OTX2: variants seen among roughly 807,000 people sequenced by gnomAD.
OTX2 encodes homeobox protein OTX2.
In OTX2, 4 loss-of-function variants were observed where a neutral mutation model predicts 29.0. The observed-to-expected ratio is 0.14, with a 90% CI of 0.07 to 0.32. The LOEUF (loss-of-function observed/expected upper bound fraction) is 0.32, where lower values mean the gene tolerates loss of function less well. Among genes scored for constraint, OTX2 ranks in the 10% least tolerant of loss-of-function variants. OTX2 has a pLI of 1.00. For missense variants in OTX2, 298 were observed against 365.9 expected (o/e 0.81, Z 1.51); for synonymous variants, 134 against 141.0 (o/e 0.95, Z 0.35).
chr14:56,809,388 G>A (rs1892199924), intron 2 of OTX2, among the ~76,000 whole-genome samples: 1 of 152,336 alleles, frequency 6.6e-6, no homozygotes, highest in South Asian at 2.1e-4. Flanking sequence ...TACAACCCAG[G>A]GTGGTTTGGA....
chr14:56,803,154 T>C (rs1891954108), intron 4 of OTX2, among the ~76,000 whole-genome samples: 1 of 152,224 alleles, frequency 6.6e-6, no homozygotes, highest in South Asian at 2.1e-4. Context: ...TTACCAGCCC[T>C]GTTCATGTTC....
At position 56,802,358 on chromosome 14, in the gene OTX2, T is replaced by C; in HGVS notation, c.274-3A>G. ...GCTCTTCGATTCTTAAACCATACCTTGGAAGGGAAAGAAAATTCTTTAACT... is the reference window on the plus strand; with the variant it reads ...GCTCTTCGATTCTTAAACCATACCTCGGAAGGGAAAGAAAATTCTTTAACT... On this transcript the variant is annotated splice_region_variant and splice_polypyrimidine_tract_variant and intron_variant, in intron 4 of 4. Transcript: ENST00000672264. This position sits in a 1 kb window ranked among gnomAD's most constrained non-coding sequence, Gnocchi z 4.4. 6.2e-7 allele frequency: 1 copy of C among 1,614,114 alleles called. No individual in the cohort carries two copies. Among genetic ancestry groups the C allele is most frequent in the Non-Finnish European group, 8.5e-7 (1 of 1,180,030 alleles).
chr14:56,799,969 G>A lies in OTX2; in HGVS notation c.*1766C>T, dbSNP rs1278808910. 1 of 152,180 alleles carries A rather than the reference G, an allele frequency of 6.6e-6. No individual in the cohort carries two copies. The highest frequency in any genetic ancestry group is 1.5e-5 in the Non-Finnish European group (1 of 68,044). The allele number at this position is 152,180 out of a possible 1,614,324, so 9.4% of individuals were successfully genotyped here. ...AAGAGTCACTTAATTTTGGTCAGCT[G>A]TAAGAGCTTAAGCAGCTTAAAATGA... On this transcript the variant is annotated 3_prime_UTR_variant, in exon 5 of 5. Transcript: ENST00000672264.
intron 3 of OTX2, among the ~76,000 whole-genome samples, chr14:56,805,133 A>G (rs572690809): frequency 6.6e-6 from 1 of 152,326 alleles, no homozygotes; most frequent in African/African-American, 2.4e-5. Context: ...ATGTGATTGT[A>G]ACGGTTGCAG....
At chr14:56,807,726 T>C (rs544575848) in intron 2 of OTX2, among the ~76,000 whole-genome samples, 2 of 152,380 alleles carry the variant, frequency 1.3e-5, no homozygotes, top group Admixed American at 1.3e-4. Context: ...GGCCTAGGTA[T>C]GCACTCTGCA....
intron 2 of OTX2, among the ~76,000 whole-genome samples, chr14:56,808,141 C>T (rs1892155225): frequency 6.6e-6 from 1 of 152,144 alleles, no homozygotes; most frequent in East Asian, 1.9e-4. Flanking sequence ...CCAAGAAGCC[C>T]ATCTACCAGT....
intron 2 of OTX2, among the ~76,000 whole-genome samples, chr14:56,805,922 A>G (rs940231141): frequency 3.3e-5 from 5 of 151,946 alleles, no homozygotes; most frequent in Non-Finnish European, 7.3e-5. Flanking sequence ...ACATTTGCAT[A>G]GGACTCATTG....
chr14:56,802,122 T>C lies in OTX2; in HGVS notation c.507A>G (p.Ser169=). Residue 169 remains serine (S), a synonymous_variant, in exon 5 of 5, where the codon TCA becomes TCG. Transcript: ENST00000672264. This position sits in a 1 kb window ranked among gnomAD's most constrained non-coding sequence, Gnocchi z 4.4. ...IWSPASISPL[S]DPLSTSSSCM... is the part of the protein sequence containing the mutation. ...AGGAAGAGGAGGTGGACAAGGGATCTGACAGTGGGGAGATGGAAGCTGGGC... is the reference window on the plus strand; with the variant it reads ...AGGAAGAGGAGGTGGACAAGGGATCCGACAGTGGGGAGATGGAAGCTGGGC... 1 of 1,614,158 alleles carries C rather than the reference T, an allele frequency of 6.2e-7. No homozygotes were observed. The highest frequency in any genetic ancestry group is 8.5e-7 in the Non-Finnish European group (1 of 1,180,026).
chr14:56,807,994 C>CGCAGCCCCGCAGCCCT (rs1892148934), intron 2 of OTX2, among the ~76,000 whole-genome samples: 1 of 149,030 alleles, frequency 6.7e-6, no homozygotes, highest in African/African-American at 2.6e-5. Flanking sequence ...CCCGCAGCCC[C>CGCAGCCCCGCAGCCCT]GCAGCCCCGC....
At chr14:56,805,231 A>T (rs954004078) in intron 3 of OTX2, 129 bp downstream of exon 3, 1 of 686,146 alleles carries the variant, frequency 1.5e-6, no homozygotes, top group Non-Finnish European at 2.6e-6. Flanking sequence ...AACCTAGAGG[A>T]GACCAAGCCT....
intron 2 of OTX2, among the ~76,000 whole-genome samples, chr14:56,807,359 G>T (rs895745942): frequency 6.6e-6 from 1 of 152,066 alleles, no homozygotes; most frequent in African/African-American, 2.4e-5. Context: ...CTGGAGATTG[G>T]AGATTTTTTG....
At chr14:56,808,565 G>A (rs1290412845) in intron 2 of OTX2, among the ~76,000 whole-genome samples, 5 of 152,174 alleles carry the variant, frequency 3.3e-5, no homozygotes, top group Non-Finnish European at 7.3e-5. Flanking sequence ...AGAAAGCCCC[G>A]GTGTTAGCGC....
At chr14:56,805,017 G>A (rs1342133409) in intron 3 of OTX2, among the ~76,000 whole-genome samples, 2 of 152,152 alleles carry the variant, frequency 1.3e-5, no homozygotes, top group Non-Finnish European at 2.9e-5. Flanking sequence ...TGAGGAATTG[G>A]TCATTGAGAT....
At chr14:56,806,949 C>T (rs1892108414) in intron 2 of OTX2, among the ~76,000 whole-genome samples, 1 of 152,044 alleles carries the variant, frequency 6.6e-6, no homozygotes, top group South Asian at 2.1e-4. Flanking sequence ...TTCAAAATGG[C>T]GGATACAAGA....
Position 56,804,434 on chromosome 14 carries a change from C to T in OTX2, c.98-71G>A. On this transcript the variant is annotated intron_variant, in intron 3 of 4. Transcript: ENST00000672264. This position sits in a 1 kb window ranked among gnomAD's most constrained non-coding sequence, Gnocchi z 4.1. ...GTTCTCCGACGCCCCTGCCCTCCAC[C>T]CCGCAGCAGTCCCCCGTTCCTCACA... is the stretch of plus-strand genomic sequence containing the variant. The T allele has an allele frequency of 7.1e-7, 1 of 1,399,658 alleles. No homozygotes were observed. The highest frequency in any genetic ancestry group is 1.3e-5 in the South Asian group (1 of 74,656). 86.7% of individuals were successfully genotyped at this position (1,399,658 alleles called of 1,614,324 possible).
In OTX2 at chr14:56,805,526, C is replaced by CG; in HGVS notation, c.-71dup. ...CCCAGCTGGAAGATCTTGATGCGCC[C>CG]GGGGTGGACAGGTTCAGAGTCCTTG... On this transcript the variant is annotated 5_prime_UTR_variant, in exon 3 of 5. Coordinates refer to ENST00000672264, the MANE Select transcript of OTX2 (RefSeq NM_021728.4). 2 of 962,242 alleles carry CG rather than the reference C, an allele frequency of 2.1e-6. No homozygotes were observed. Among genetic ancestry groups the CG allele is most frequent in the Non-Finnish European group, 3.3e-6 (2 of 599,590 alleles). The allele number at this position is 962,242 out of a possible 1,614,324, so 59.6% of individuals were successfully genotyped here.
rs967978912 is a variant in OTX2 at position 56,804,631 on chromosome 14, A to G, written c.98-268T>C. On this transcript the variant is annotated intron_variant, in intron 3 of 4. Transcript: ENST00000672264. The surrounding 1 kb of genome is among the most constrained non-coding windows in gnomAD (Gnocchi z 4.1). Reference sequence around the variant, plus strand: ...TGAAACATTTTTTAAAAGACACACAAAAAAGTTCTCCAAGATCAACCCCCA... The same window carrying G: ...TGAAACATTTTTTAAAAGACACACAGAAAAGTTCTCCAAGATCAACCCCCA... 6.6e-6 allele frequency among the ~76,000 whole-genome samples: 1 copy of G among 152,166 alleles called. No individual in the cohort carries two copies. The highest frequency in any genetic ancestry group is 2.4e-5 in the African/African-American group (1 of 41,438).
Position 56,804,270 on chromosome 14 carries a change from A to T in OTX2, c.191T>A (p.Leu64Gln), listed in dbSNP as rs1368488675. ...GTCTGGGTACCGGGTCTTGGCAAAC[A>T]GTGCTTCCAGCACATCTAGCTGCGC... The part of the protein sequence containing the change: ...TRAQLDVLEA[L>Q]FAKTRYPDIF... Residue 64 changes from leucine (L) to glutamine (Q), a missense_variant, in exon 4 of 5, where the codon CTG (leucine) becomes CAG (glutamine). Transcript: ENST00000672264. The surrounding 1 kb of genome is among the most constrained non-coding windows in gnomAD (Gnocchi z 4.1). 2.5e-6 allele frequency: 4 copies of T among 1,614,162 alleles called. No individual in the cohort carries two copies. The highest frequency in any genetic ancestry group is 3.4e-6 in the Non-Finnish European group (4 of 1,180,030).
chr14:56,801,020 T>C lies in OTX2; in HGVS notation c.*715A>G, dbSNP rs2139525753. On this transcript the variant is annotated 3_prime_UTR_variant, in exon 5 of 5. Coordinates refer to ENST00000672264, the MANE Select transcript of OTX2 (RefSeq NM_021728.4). This position sits in a 1 kb window ranked among gnomAD's most constrained non-coding sequence, Gnocchi z 4.2. Reference sequence around the variant, plus strand: ...TCTTTTTAGATCAGTACTCAGTTGCTCTGAATTTTGCTTATAATTATAACC... The same window carrying C: ...TCTTTTTAGATCAGTACTCAGTTGCCCTGAATTTTGCTTATAATTATAACC... 6.5e-6 allele frequency: 1 copy of C among 153,880 alleles called. No homozygotes were observed. Among genetic ancestry groups the C allele is most frequent in the South Asian group, 2.0e-4 (1 of 4,884 alleles). The allele number at this position is 153,880 out of a possible 1,614,324, so 9.5% of individuals were successfully genotyped here. A position where few individuals can be genotyped will look rare whatever the true frequency, so the allele number is the denominator to read the frequency against.
Sources: allele counts gnomAD v4.1 joint callset (sites outside exome capture counted in the v4.1 genomes callset), GRCh38; gene constraint gnomAD v4.1.1; non-coding constraint Gnocchi (gnomAD v3.1); transcripts MANE v1.5; gene names NCBI Gene and HGNC (gene_info 2026-07-23, HGNC 2026-07-21).